CACNB2: variants seen among roughly 807,000 people sequenced by gnomAD.
CACNB2 encodes the protein voltage-dependent L-type calcium channel subunit beta-2.
In CACNB2, 42 loss-of-function variants were observed where a neutral mutation model predicts 73.3. The observed-to-expected ratio is 0.57, with a 90% CI of 0.45 to 0.74. The LOEUF (loss-of-function observed/expected upper bound fraction) is 0.74. Among genes scored for constraint, CACNB2 ranks in the 30% least tolerant of loss-of-function variants. The pLI is 0.00. For missense variants in CACNB2, 940 were observed against 853.0 expected (o/e 1.10, Z -1.27); for synonymous variants, 348 against 310.3 (o/e 1.12, Z -1.28).
chr10:18,160,303 A>AT (rs201305631), intron 2 of CACNB2, among the ~76,000 whole-genome samples: 6,796 of 151,382 alleles, frequency 0.045, 215 homozygotes, highest in Middle Eastern at 0.1. Context: ...GTGGATTGAG[A>AT]TTTTTTTATG....
chr10:18,244,743 A>G (rs2036795614), intron 2 of CACNB2, among the ~76,000 whole-genome samples: 1 of 152,230 alleles, frequency 6.6e-6, no homozygotes, highest in African/African-American at 2.4e-5. Context: ...AAAGATGTCC[A>G]TGTTCCAATC....
chr10:18,233,579 C>T lies in CACNB2; in HGVS notation c.213+82604C>T, dbSNP rs149124145. On this transcript the variant is annotated intron_variant, in intron 2 of 13. Coordinates refer to ENST00000324631, the MANE Select transcript of CACNB2 (RefSeq NM_201596.3). ...TTACAGATTGGGGTTTGATCGCAAG[C>T]TCTGCCAAAGCTGTGAATTGAAGCA... 2.8e-3 allele frequency among the ~76,000 whole-genome samples: 420 copies of T among 152,174 alleles called. 7 individuals are homozygous for T. The highest frequency in any genetic ancestry group is 0.022 in the Admixed American group (343 of 15,286).
At chr10:18,450,557 T>A (rs1448643240) in intron 3 of CACNB2, among the ~76,000 whole-genome samples, 1 of 151,918 alleles carries the variant, frequency 6.6e-6, no homozygotes, top group East Asian at 1.9e-4. Flanking sequence ...AGAAAAGCAT[T>A]GTCAGAGTAC....
intron 2 of CACNB2, among the ~76,000 whole-genome samples, chr10:18,174,870 A>G (rs1158863481): frequency 6.6e-6 from 1 of 152,214 alleles, no homozygotes; most frequent in Non-Finnish European, 1.5e-5. Flanking sequence ...AAAAATGTTT[A>G]AAATACTAAT....
At chr10:18,470,090 G>A (rs903445169) in intron 3 of CACNB2, among the ~76,000 whole-genome samples, 1 of 151,760 alleles carries the variant, frequency 6.6e-6, no homozygotes, top group African/African-American at 2.4e-5. Flanking sequence ...CTTAGGAATT[G>A]AATATATATT....
At chr10:18,524,390 T>G in intron 9 of CACNB2, among the ~76,000 whole-genome samples, 1 of 152,206 alleles carries the variant, frequency 6.6e-6, no homozygotes, top group South Asian at 2.1e-4. Flanking sequence ...GCACAGTGGC[T>G]GTCACCTGTA....
chr10:18,222,152 C>G (rs1267222669), intron 2 of CACNB2, among the ~76,000 whole-genome samples: 2 of 152,196 alleles, frequency 1.3e-5, no homozygotes, highest in Non-Finnish European at 2.9e-5. Context: ...ACATCACAAT[C>G]CGATCCAACC....
chr10:18,499,508 G>A (rs939181556), intron 4 of CACNB2, among the ~76,000 whole-genome samples: 2 of 151,438 alleles, frequency 1.3e-5, no homozygotes, highest in African/African-American at 2.4e-5. Flanking sequence ...TCAGCTACTC[G>A]AGAGGCTGAG....
At chr10:18,312,470 ATT>A (rs752539879) in intron 2 of CACNB2, among the ~76,000 whole-genome samples, 126 of 152,302 alleles carry the variant, frequency 8.3e-4, no homozygotes, top group Non-Finnish European at 1.3e-3. Flanking sequence ...GCCAGTTAAG[ATT>A]ATATAACAGC....
chr10:18,145,478 G>C (rs1186734929), intron 1 of CACNB2, among the ~76,000 whole-genome samples: 1 of 151,950 alleles, frequency 6.6e-6, no homozygotes, highest in African/African-American at 2.4e-5. Flanking sequence ...TTCTGAGTAT[G>C]TTTTAGAATT....
chr10:18,322,964 T>TC (rs1346271036), intron 2 of CACNB2, among the ~76,000 whole-genome samples: 2 of 147,570 alleles, frequency 1.4e-5, no homozygotes, highest in African/African-American at 5.0e-5. Flanking sequence ...ATATTCTTTT[T>TC]TTTTTTTTTT....
chr10:18,499,584 G>A (rs974321709), intron 4 of CACNB2, among the ~76,000 whole-genome samples: 15 of 108,312 alleles, frequency 1.4e-4, no homozygotes, highest in African/African-American at 2.7e-4. Context: ...CACTGCACCC[G>A]AGCCTGGCGA....
At position 18,332,377 on chromosome 10, in the gene CACNB2, G is replaced by T. The variant is rs1275292016; in HGVS notation, c.214-69547G>T. 2.6e-5 allele frequency among the ~76,000 whole-genome samples: 4 copies of T among 152,170 alleles called. 1 individual carries two copies. Among genetic ancestry groups the T allele is most frequent in the African/African-American group, 9.7e-5 (4 of 41,440 alleles). The stretch of plus-strand genomic sequence containing the variant: ...ATAGGGGAGCATGTGGGTGCTGTTT[G>T]CTGTAGTATGAGGAATTAGTAGCTC... On this transcript the variant is annotated intron_variant, in intron 2 of 13. Coordinates refer to ENST00000324631, the MANE Select transcript of CACNB2 (RefSeq NM_201596.3).
At chr10:18,216,612 T>G (rs1365765743) in intron 2 of CACNB2, among the ~76,000 whole-genome samples, 1 of 152,214 alleles carries the variant, frequency 6.6e-6, no homozygotes, top group Non-Finnish European at 1.5e-5. Flanking sequence ...CTTTCTTTGT[T>G]TTTCAGTGAT....
At chr10:18,255,789 T>C (rs1011031023) in intron 2 of CACNB2, among the ~76,000 whole-genome samples, 6 of 152,318 alleles carry the variant, frequency 3.9e-5, no homozygotes, top group African/African-American at 1.4e-4. Context: ...GACGGACCCT[T>C]CTTTCCTAAA....
chr10:18,193,724 A>T (rs940315277), intron 2 of CACNB2, among the ~76,000 whole-genome samples: 1 of 152,120 alleles, frequency 6.6e-6, no homozygotes, highest in Non-Finnish European at 1.5e-5. Context: ...GTAGAAAGGA[A>T]ACTAAAGCTT....
At position 18,543,311 on chromosome 10, in the gene CACNB2, C is replaced by T. The variant is rs966011871; in HGVS notation, c.*3587C>T. The T allele has an allele frequency of 2.0e-5, 3 of 151,898 alleles. No homozygotes were observed. The highest frequency in any genetic ancestry group is 4.4e-5 in the Non-Finnish European group (3 of 67,980). 9.4% of individuals were successfully genotyped at this position (151,898 alleles called of 1,614,324 possible). ...TATGTCTGATTAAAAAAAAAGATAC[C>T]TCCACGTAGATAAAATATTTTATTC... On this transcript the variant is annotated 3_prime_UTR_variant, in exon 14 of 14. Coordinates refer to ENST00000324631, the MANE Select transcript of CACNB2 (RefSeq NM_201596.3).
intron 2 of CACNB2, among the ~76,000 whole-genome samples, chr10:18,346,384 C>T (rs1054969349): frequency 1.3e-5 from 2 of 152,078 alleles, no homozygotes; most frequent in Non-Finnish European, 1.5e-5. Context: ...GAGTTCCACT[C>T]GCCTCGGCCT....
chr10:18,144,261 G>A (rs1019287783), intron 1 of CACNB2, among the ~76,000 whole-genome samples: 4 of 152,036 alleles, frequency 2.6e-5, no homozygotes, highest in Non-Finnish European at 5.9e-5. Flanking sequence ...TGTATTTTTA[G>A]TAGAGACGAG....
Sources: allele counts gnomAD v4.1 joint callset (sites outside exome capture counted in the v4.1 genomes callset), GRCh38; gene constraint gnomAD v4.1.1; transcripts MANE v1.5; gene names NCBI Gene and HGNC (gene_info 2026-07-23, HGNC 2026-07-21).